The following CNTRL variants were observed in gnomAD, a reference collection of about 807,000 sequenced individuals.
The protein encoded by CNTRL is centriolin.
Under a neutral mutation model 303.7 loss-of-function variants are expected in CNTRL, and 233 were observed. The observed-to-expected ratio is 0.77, with a 90% CI of 0.69 to 0.86. CNTRL has a LOEUF of 0.86. CNTRL is among the 40% of genes least tolerant of loss of function. CNTRL has a pLI of 0.00. For synonymous variants in CNTRL, 900 were observed against 922.2 expected (o/e 0.98, Z 0.44); for missense variants, 2,524 against 2,650.6 (o/e 0.95, Z 1.05).
intron 10 of CNTRL, among the ~76,000 whole-genome samples, 192 bp from the exon 11 acceptor site, chr9:121,114,899 A>G (rs1263505586): frequency 6.6e-6 from 1 of 152,228 alleles, no homozygotes; most frequent in African/African-American, 2.4e-5. Flanking sequence ...ATAATGAAAC[A>G]GTTTATTCTA....
At chr9:121,116,033 A>G (rs1191181369) in intron 11 of CNTRL, among the ~76,000 whole-genome samples, 11 of 151,508 alleles carry the variant, frequency 7.3e-5, no homozygotes, top group Non-Finnish European at 1.5e-4. Context: ...AAATAAGGCA[A>G]TAAACAAAAA....
chr9:121,141,713 A>G, intron 18 of CNTRL, 125 bp downstream of exon 18: 1 of 947,662 alleles, frequency 1.1e-6, no homozygotes, highest in East Asian at 2.6e-5. Flanking sequence ...ACTTATAACA[A>G]GTCAAGCTGG....
At chr9:121,104,694 AT>A (rs10693661) in intron 7 of CNTRL, among the ~76,000 whole-genome samples, 245 of 96,450 alleles carry the variant, frequency 2.5e-3, no homozygotes, top group Middle Eastern at 8.3e-3. Flanking sequence ...GCCACTGGCA[AT>A]TTTTTTTTTT....
intron 14 of CNTRL, among the ~76,000 whole-genome samples, chr9:121,134,882 T>C (rs2051096192): frequency 6.6e-6 from 1 of 152,250 alleles, no homozygotes. Context: ...CTATTTTTTG[T>C]TGAACTGTCT....
In CNTRL at chr9:121,173,710, A is replaced by C; in HGVS notation, c.6720A>C (p.Lys2240Asn). 3.1e-6 allele frequency: 5 copies of C among 1,614,156 alleles called. No individual in the cohort carries two copies. The highest frequency in any genetic ancestry group is 4.2e-6 in the Non-Finnish European group (5 of 1,180,010). ...EHWRGEALREKLRHREDRLKA... is the reference protein window; with the variant it reads ...EHWRGEALRENLRHREDRLKA... Reference sequence around the variant, plus strand: ...GGCGTGGAGAAGCACTCCGGGAGAAACTGCGTCACCGGGAAGACCGACTCA... The same window carrying C: ...GGCGTGGAGAAGCACTCCGGGAGAACCTGCGTCACCGGGAAGACCGACTCA... The change falls in exon 42 of 44, where the codon AAA (lysine) becomes AAC (asparagine). Residue 2240 changes from lysine (K) to asparagine (N), a missense_variant. Lys to Asn is a moderately conservative substitution (Grantham distance 94). Coordinates refer to ENST00000373855, the MANE Select transcript of CNTRL (RefSeq NM_007018.6).
chr9:121,134,225 A>G (rs1256521299), intron 14 of CNTRL, among the ~76,000 whole-genome samples: 1 of 152,082 alleles, frequency 6.6e-6, no homozygotes, highest in East Asian at 1.9e-4. Flanking sequence ...TTCCTGCATC[A>G]CTACGATATC....
intron 12 of CNTRL, among the ~76,000 whole-genome samples, chr9:121,119,908 G>A (rs1230519612): frequency 1.3e-5 from 2 of 151,920 alleles, no homozygotes; most frequent in Admixed American, 6.6e-5. Flanking sequence ...TTTTCATACT[G>A]TTTTGTTTTG....
At position 121,167,559 on chromosome 9, in the gene CNTRL, G is replaced by A. The variant is rs2053144676; in HGVS notation, c.5726G>A (p.Ser1909Asn). 1.2e-6 allele frequency: 2 copies of A among 1,614,118 alleles called. No homozygotes were observed. Among genetic ancestry groups the A allele is most frequent in the Non-Finnish European group, 1.7e-6 (2 of 1,180,008 alleles). Residue 1909 changes from serine (S) to asparagine (N), a missense_variant, in exon 37 of 44, where the codon AGT becomes AAT. Transcript: ENST00000373855. ...CAGACCCGACTCCAGAAGGACATCA[G>A]TGAATGGGCAAATAGGTTTGAAGAC... is the stretch of plus-strand genomic sequence containing the variant. ...SEQTRLQKDI[S>N]EWANRFEDCQ...
At chr9:121,128,423 G>A (rs1202536843) in intron 14 of CNTRL, among the ~76,000 whole-genome samples, 1 of 152,148 alleles carries the variant, frequency 6.6e-6, no homozygotes, top group African/African-American at 2.4e-5. Context: ...TCATGTGTCT[G>A]TTGGCTGCAT....
intron 24 of CNTRL, among the ~76,000 whole-genome samples, chr9:121,149,618 G>A (rs1281801344): frequency 6.6e-6 from 1 of 151,932 alleles, no homozygotes; most frequent in Non-Finnish European, 1.5e-5. Context: ...TATTAGACAG[G>A]CTGGTCTCGA....
intron 2 of CNTRL, among the ~76,000 whole-genome samples, chr9:121,087,583 C>G (rs1219490970): frequency 6.6e-6 from 1 of 151,820 alleles, no homozygotes; most frequent in Admixed American, 6.6e-5. Flanking sequence ...CCCAGCTGCT[C>G]GGGAGGTCGA....
At chr9:121,149,875 T>C (rs2052117257) in intron 24 of CNTRL, among the ~76,000 whole-genome samples, 1 of 152,212 alleles carries the variant, frequency 6.6e-6, no homozygotes, top group African/African-American at 2.4e-5. Context: ...GTATGTAGCA[T>C]GAATTAGATA....
intron 13 of CNTRL, 85 bp from the exon 14 acceptor site, chr9:121,125,631 T>G: frequency 4.3e-6 from 5 of 1,174,432 alleles, no homozygotes; most frequent in African/African-American, 1.5e-5. Flanking sequence ...GCTTAGAATT[T>G]CACTCTTGGC....
At chr9:121,094,332 A>G (rs1280189317) in intron 4 of CNTRL, among the ~76,000 whole-genome samples, 1 of 152,164 alleles carries the variant, frequency 6.6e-6, no homozygotes, top group Middle Eastern at 3.2e-3. Flanking sequence ...AAGGCATCCC[A>G]TAGTGAGGCA....
intron 2 of CNTRL, among the ~76,000 whole-genome samples, chr9:121,085,033 A>G (rs1353953655): frequency 6.6e-6 from 1 of 152,232 alleles, no homozygotes; most frequent in Non-Finnish European, 1.5e-5. Context: ...ATACTTCAAT[A>G]AAATTGATTT....
chr9:121,166,321 A>C (rs1244207932), intron 36 of CNTRL, 141 bp downstream of exon 36: 3 of 583,528 alleles, frequency 5.1e-6, no homozygotes, highest in African/African-American at 2.0e-5. Context: ...TAACCATCAC[A>C]TAAATAAAAG....
Position 121,141,370 on chromosome 9 carries a change from C to A in CNTRL, c.2484-11C>A, listed in dbSNP as rs1231974337. 5.6e-6 allele frequency: 9 copies of A among 1,600,886 alleles called. No homozygotes were observed. The highest frequency in any genetic ancestry group is 7.7e-6 in the Non-Finnish European group (9 of 1,169,202). ...TGTCACATTTATACCATTTTTCCCC[C>A]TCCTTACTAGCATCCATAGTCCTTC... On this transcript the variant is annotated splice_polypyrimidine_tract_variant and intron_variant, in intron 17 of 43. Coordinates refer to ENST00000373855, the MANE Select transcript of CNTRL (RefSeq NM_007018.6).
chr9:121,087,087 G>A (rs749222058), intron 2 of CNTRL, among the ~76,000 whole-genome samples: 2 of 152,186 alleles, frequency 1.3e-5, no homozygotes, highest in Non-Finnish European at 2.9e-5. Flanking sequence ...ATTAGAGTGC[G>A]TGAGAGTGAA....
chr9:121,134,770 G>C (rs147597435), intron 14 of CNTRL, among the ~76,000 whole-genome samples: 5 of 152,266 alleles, frequency 3.3e-5, no homozygotes, highest in Non-Finnish European at 7.4e-5. Flanking sequence ...TATGTTCTAT[G>C]TAAAATAGTA....
Sources: allele counts gnomAD v4.1 joint callset (sites outside exome capture counted in the v4.1 genomes callset), GRCh38; gene constraint gnomAD v4.1.1; transcripts MANE v1.5; gene names NCBI Gene and HGNC (gene_info 2026-07-23, HGNC 2026-07-21).